FLT1: variants seen among roughly 807,000 people sequenced by gnomAD.
FLT1 encodes vascular endothelial growth factor receptor 1.
Under a neutral mutation model 156.3 loss-of-function variants are expected in FLT1, and 49 were observed. That is an observed-to-expected ratio of 0.31 (90% CI 0.25 to 0.40). FLT1 has a LOEUF of 0.40. Ranked by LOEUF, FLT1 falls within the 10% of genes least tolerant of loss-of-function variation. The pLI, the probability that FLT1 is intolerant of heterozygous loss-of-function variation, is 1.00. For missense variants in FLT1, 1,322 were observed against 1,637.2 expected, an observed-to-expected ratio of 0.81 and a Z score of 3.32; for synonymous variants, 594 against 583.8, an observed-to-expected ratio of 1.02 and a Z score of -0.25.
intron 14 of FLT1, among the ~76,000 whole-genome samples, chr13:28,372,046 G>GTATATATA: frequency 1.8e-5 from 1 of 56,806 alleles, no homozygotes; most frequent in African/African-American, 8.2e-5. Context: ...GTGTGTGTGT[G>GTATATATA]TGTATATATA....
chr13:28,378,710 T>C (rs1304234955), intron 14 of FLT1, among the ~76,000 whole-genome samples: 1 of 152,164 alleles, frequency 6.6e-6, no homozygotes, highest in South Asian at 2.1e-4. Flanking sequence ...TTAGGTAAGT[T>C]CTAAAGCAGC....
intron 17 of FLT1, among the ~76,000 whole-genome samples, chr13:28,337,144 G>A (rs1030032193): frequency 6.6e-6 from 1 of 150,760 alleles, no homozygotes; most frequent in African/African-American, 2.4e-5. Context: ...GGGTTAGTGA[G>A]GAATCTTTTT....
chr13:28,318,839 C>T (rs560893159), intron 24 of FLT1, among the ~76,000 whole-genome samples: 1 of 152,258 alleles, frequency 6.6e-6, no homozygotes, highest in Admixed American at 6.5e-5. Flanking sequence ...GTGCTTTGAA[C>T]AGGACTTCCA....
Position 28,311,618 on chromosome 13 carries a change from A to C in FLT1, c.3607T>G (p.Phe1203Val), listed in dbSNP as rs1397505898. Residue 1203 changes from phenylalanine (F) to valine (V), a missense_variant, in exon 27 of 30, where the codon TTT (phenylalanine) becomes GTT (valine). This residue lies in a region of FLT1 where 329 missense variants were observed against 366.2 expected (regional missense o/e 0.90). Transcript: ENST00000282397. ...FFKESISAPK[F>V]NSGSSDDVRY... Reference sequence around the variant, plus strand: ...ACATCATCAGAGCTTCCTGAATTAAACTTCGGAGCTGAAATACTTTCCTTG... The same window carrying C: ...ACATCATCAGAGCTTCCTGAATTAACCTTCGGAGCTGAAATACTTTCCTTG... 1 of 1,613,848 alleles carries C rather than the reference A, an allele frequency of 6.2e-7. No homozygotes were observed. The highest frequency in any genetic ancestry group is 2.2e-5 in the East Asian group (1 of 44,840).
intron 15 of FLT1, among the ~76,000 whole-genome samples, chr13:28,349,252 GT>G (rs1476297766): frequency 6.6e-6 from 1 of 152,188 alleles, no homozygotes; most frequent in Non-Finnish European, 1.5e-5. Flanking sequence ...CTGGTCTTAA[GT>G]TTCCCTGAAC....
At chr13:28,366,022 GC>G (rs1256520748) in intron 14 of FLT1, among the ~76,000 whole-genome samples, 4 of 152,164 alleles carry the variant, frequency 2.6e-5, no homozygotes, top group African/African-American at 9.7e-5. Flanking sequence ...AAAAGCAGAA[GC>G]CTTTGCTTAG....
chr13:28,319,507 G>C lies in FLT1; in HGVS notation c.3202C>G (p.Pro1068Ala), dbSNP rs2138826799. Residue 1068 changes from proline (P) to alanine (A), a missense_variant, in exon 24 of 30, where the codon CCT (proline) becomes GCT (alanine). Pro to Ala is a conservative substitution (Grantham distance 27). Transcript: ENST00000282397. ...DTRLPLKWMA[P>A]ESIFDKIYST... The stretch of plus-strand genomic sequence containing the variant: ...TAGATTTTGTCAAAGATAGATTCAG[G>C]AGCCATCCATTTCAGAGGAAGTCGA... 6.2e-7 allele frequency: 1 copy of C among 1,613,614 alleles called. No homozygotes were observed. Among genetic ancestry groups the C allele is most frequent in the Non-Finnish European group, 8.5e-7 (1 of 1,179,624 alleles).
chr13:28,436,284 G>A (rs540996215), intron 4 of FLT1, among the ~76,000 whole-genome samples: 28 of 152,268 alleles, frequency 1.8e-4, no homozygotes, highest in South Asian at 6.2e-4. Flanking sequence ...CCATGGCTCC[G>A]ACAAAGCAGG....
At chr13:28,483,817 T>G (rs1157329829) in intron 1 of FLT1, among the ~76,000 whole-genome samples, 2 of 152,216 alleles carry the variant, frequency 1.3e-5, no homozygotes, top group African/African-American at 4.8e-5. Context: ...TTCTCATAAA[T>G]ATGACAGTTT....
At chr13:28,415,408 G>A (rs1876588696) in intron 10 of FLT1, among the ~76,000 whole-genome samples, 1 of 152,154 alleles carries the variant, frequency 6.6e-6, no homozygotes, top group Admixed American at 6.5e-5. Context: ...TTGAACCCGG[G>A]AGGCAGAGGT....
rs1359049564 is a variant in FLT1, at chr13:28,386,357, A to G, written c.1970-1326T>C. On this transcript the variant is annotated intron_variant, in intron 13 of 29. Coordinates refer to ENST00000282397, the MANE Select transcript of FLT1 (RefSeq NM_002019.4). ...TTTTATAACATTGTTGAAGTAGTAT[A>G]TCATGGCAGGGTTACTATCTGTTAG... is the stretch of plus-strand genomic sequence containing the variant. 3.0e-6 allele frequency: 3 copies of G among 1,006,682 alleles called. No individual in the cohort carries two copies. In the African/African-American group the frequency reaches 5.1e-5, roughly 17 times the overall value. 62.4% of individuals were successfully genotyped at this position (1,006,682 alleles called of 1,614,324 possible).
chr13:28,390,090 A>T lies in FLT1; in HGVS notation c.1675T>A (p.Phe559Ile). The change falls in exon 13 of 30, where the codon TTT becomes ATT. Residue 559 changes from phenylalanine (F) to isoleucine (I), a missense_variant. Around this residue, in one of 3 missense-constraint regions of FLT1, gnomAD observed 991 missense variants for 1,254.8 expected, o/e 0.79. Coordinates refer to ENST00000282397, the MANE Select transcript of FLT1 (RefSeq NM_002019.4). The stretch of plus-strand genomic sequence containing the variant: ...GGCATTTTTTCCAAGTTAACATGAA[A>T]CCCATTTGGCACATCTATAAAATAA... ...SFYITDVPNG[F>I]HVNLEKMPTE... 6.2e-7 allele frequency: 1 copy of T among 1,613,878 alleles called. No homozygotes were observed. The highest frequency in any genetic ancestry group is 8.5e-7 in the Non-Finnish European group (1 of 1,179,762).
At chr13:28,475,920 G>A (rs1310837760) in intron 1 of FLT1, among the ~76,000 whole-genome samples, 3 of 152,208 alleles carry the variant, frequency 2.0e-5, no homozygotes, top group African/African-American at 7.2e-5. Context: ...AGAAAGGCCA[G>A]AGAGTTCATA....
chr13:28,445,948 A>AT (rs1194747196), intron 3 of FLT1, among the ~76,000 whole-genome samples: 1 of 152,214 alleles, frequency 6.6e-6, no homozygotes, highest in Non-Finnish European at 1.5e-5. Context: ...TATAAAAAGA[A>AT]TTATATACAA....
chr13:28,464,390 C>T (rs1329922108), intron 3 of FLT1, among the ~76,000 whole-genome samples: 5 of 152,216 alleles, frequency 3.3e-5, no homozygotes, highest in Non-Finnish European at 5.9e-5. Flanking sequence ...CACTGCTCCC[C>T]GACAATCCCA....
chr13:28,351,403 A>C (rs1872731820), intron 15 of FLT1, among the ~76,000 whole-genome samples: 1 of 152,176 alleles, frequency 6.6e-6, no homozygotes, highest in Non-Finnish European at 1.5e-5. Flanking sequence ...ACTCAGATGC[A>C]CTTTGACCTG....
chr13:28,303,667 G>A (rs1870616054), intron 29 of FLT1, among the ~76,000 whole-genome samples: 1 of 152,264 alleles, frequency 6.6e-6, no homozygotes, highest in South Asian at 2.1e-4. Flanking sequence ...AGACTTGGGT[G>A]CAGCCCTCTC....
intron 1 of FLT1, among the ~76,000 whole-genome samples, chr13:28,487,464 C>G (rs1593850639): frequency 6.6e-6 from 1 of 151,740 alleles, no homozygotes; most frequent in East Asian, 1.9e-4. Flanking sequence ...ATGGGTGGTT[C>G]GGTGGCTTGA....
chr13:28,490,371 A>G (rs1240418595), intron 1 of FLT1, among the ~76,000 whole-genome samples: 1 of 152,232 alleles, frequency 6.6e-6, no homozygotes, highest in African/African-American at 2.4e-5. Flanking sequence ...CCCAGCGGCA[A>G]TGCAGGAAAT....
Sources: gnomAD v4.1 joint callset for allele counts (sites outside exome capture counted in the v4.1 genomes callset) on GRCh38, gnomAD v4.1.1 for gene constraint, gnomAD v4.1.1 regional missense constraint, MANE v1.5 for transcripts, NCBI Gene and HGNC (gene_info 2026-07-23, HGNC 2026-07-21) for gene names.